The following NALCN variants were observed in gnomAD, a reference collection of about 807,000 sequenced individuals.
The protein encoded by NALCN is sodium leak channel NALCN.
A neutral mutation model predicts 225.3 loss-of-function variants in NALCN; 111 were observed. The ratio of observed to expected loss-of-function variants is 0.49; its 90% CI spans 0.42 to 0.58. NALCN has a LOEUF of 0.58. NALCN is among the 20% of genes least tolerant of loss of function. The pLI, the probability that NALCN is intolerant of heterozygous loss-of-function variation, is 0.00. For missense variants in NALCN, 1,378 were observed against 2,202.4 expected, an observed-to-expected ratio of 0.63 and a Z score of 7.49; for synonymous variants, 764 against 769.0, an observed-to-expected ratio of 0.99 and a Z score of 0.11.
intron 17 of NALCN, among the ~76,000 whole-genome samples, chr13:101,133,035 C>T (rs1310731670): frequency 6.6e-6 from 1 of 152,076 alleles, no homozygotes; most frequent in East Asian, 1.9e-4. Flanking sequence ...ATATTTTACA[C>T]TTACTGATTC....
At chr13:101,079,320 T>A (rs924585397) in intron 34 of NALCN, among the ~76,000 whole-genome samples, 7 of 152,238 alleles carry the variant, frequency 4.6e-5, no homozygotes, top group African/African-American at 1.7e-4. Flanking sequence ...GTTTTTAGGA[T>A]GAGAATCTGA....
intron 12 of NALCN, among the ~76,000 whole-genome samples, chr13:101,233,996 C>T (rs1380147713): frequency 6.6e-6 from 1 of 152,156 alleles, no homozygotes; most frequent in Non-Finnish European, 1.5e-5. Context: ...ATTCTCTCCA[C>T]CTGGAATGCT....
At chr13:101,358,199 G>T (rs1419786496) in intron 6 of NALCN, among the ~76,000 whole-genome samples, 2 of 151,670 alleles carry the variant, frequency 1.3e-5, no homozygotes, top group African/African-American at 4.8e-5. Context: ...AATTAAACTA[G>T]AAGTACTAAA....
chr13:101,152,126 C>G (rs540166611), intron 15 of NALCN, among the ~76,000 whole-genome samples: 1 of 152,094 alleles, frequency 6.6e-6, no homozygotes, highest in African/African-American at 2.4e-5. Context: ...TTGGACGCAT[C>G]GACTGAAGCC....
chr13:101,378,117 A>T (rs2046745871), intron 4 of NALCN, among the ~76,000 whole-genome samples: 1 of 151,956 alleles, frequency 6.6e-6, no homozygotes, highest in African/African-American at 2.4e-5. Context: ...TGTTTCCTTC[A>T]TTTCAGGGAA....
intron 7 of NALCN, among the ~76,000 whole-genome samples, chr13:101,316,141 C>T (rs1361863631): frequency 6.6e-6 from 1 of 152,152 alleles, no homozygotes; most frequent in African/African-American, 2.4e-5. Context: ...TGAGAATCCA[C>T]TCTTAAAGTG....
intron 7 of NALCN, among the ~76,000 whole-genome samples, chr13:101,330,874 T>C (rs548977559): frequency 6.6e-6 from 1 of 152,314 alleles, no homozygotes; most frequent in South Asian, 2.1e-4. Flanking sequence ...CCATGTAAGA[T>C]GTGCCTGCCA....
intron 17 of NALCN, among the ~76,000 whole-genome samples, chr13:101,132,786 G>C (rs17484860): frequency 3.9e-5 from 6 of 152,042 alleles, no homozygotes; most frequent in Admixed American, 3.3e-4. Flanking sequence ...ACTAGGCTTA[G>C]TATAAAAAAG....
At chr13:101,220,430 A>G (rs1217970031) in intron 13 of NALCN, among the ~76,000 whole-genome samples, 1 of 152,226 alleles carries the variant, frequency 6.6e-6, no homozygotes, top group African/African-American at 2.4e-5. Context: ...CCAATTGGTG[A>G]TGCTTTATTT....
intron 13 of NALCN, among the ~76,000 whole-genome samples, chr13:101,218,047 G>C (rs1339832428): frequency 6.6e-6 from 1 of 152,130 alleles, no homozygotes; most frequent in African/African-American, 2.4e-5. Context: ...ACCAAAGCCA[G>C]TAATTTTAAT....
At chr13:101,183,744 C>T (rs943323654) in intron 14 of NALCN, among the ~76,000 whole-genome samples, 2 of 152,004 alleles carry the variant, frequency 1.3e-5, no homozygotes, top group African/African-American at 4.8e-5. Flanking sequence ...ATAGGGGGAG[C>T]CACCACGCCT....
intron 6 of NALCN, 30 bp downstream of exon 6, chr13:101,376,670 G>T: frequency 6.4e-7 from 1 of 1,569,420 alleles, no homozygotes; most frequent in South Asian, 1.2e-5. Flanking sequence ...TAATCAACTA[G>T]ATTAAAATGC....
chr13:101,398,638 CAT>C (rs1286599017), intron 2 of NALCN, among the ~76,000 whole-genome samples: 1 of 152,144 alleles, frequency 6.6e-6, no homozygotes, highest in African/African-American at 2.4e-5. Flanking sequence ...TAATTCCAAA[CAT>C]GTGCATATTG....
chr13:101,166,125 C>T (rs750025455), intron 15 of NALCN, among the ~76,000 whole-genome samples: 4 of 152,040 alleles, frequency 2.6e-5, no homozygotes, highest in Non-Finnish European at 4.4e-5. Flanking sequence ...GTAGATACCA[C>T]ATTTTGTTTA....
At chr13:101,298,562 T>A (rs2043839104) in intron 7 of NALCN, among the ~76,000 whole-genome samples, 1 of 152,198 alleles carries the variant, frequency 6.6e-6, no homozygotes, top group African/African-American at 2.4e-5. Flanking sequence ...CCTCAGGTGA[T>A]CCACTCACCT....
chr13:101,080,563 T>G (rs1566791298), intron 34 of NALCN, among the ~76,000 whole-genome samples: 1 of 109,400 alleles, frequency 9.1e-6, no homozygotes, highest in African/African-American at 4.4e-5. Flanking sequence ...ACATAAATAA[T>G]TATAACCAAA....
intron 37 of NALCN, among the ~76,000 whole-genome samples, chr13:101,069,979 G>A (rs1395873430): frequency 2.0e-5 from 3 of 150,538 alleles, no homozygotes; most frequent in Non-Finnish European, 4.4e-5. Flanking sequence ...ACCCCTCAAA[G>A]TCATCCATAA....
chr13:101,393,945 A>AATT (rs2047213612), intron 3 of NALCN, among the ~76,000 whole-genome samples: 1 of 152,230 alleles, frequency 6.6e-6, no homozygotes, highest in Admixed American at 6.5e-5. Context: ...TACATTAAGG[A>AATT]ATTATTGCTA....
chr13:101,353,189 AAG>A (rs2045955420), intron 6 of NALCN, among the ~76,000 whole-genome samples: 1 of 152,192 alleles, frequency 6.6e-6, no homozygotes, highest in African/African-American at 2.4e-5. Context: ...TTTTGCACTC[AAG>A]AGAATAATGA....
Sources: gnomAD v4.1 joint callset for allele counts (sites outside exome capture counted in the v4.1 genomes callset) on GRCh38, gnomAD v4.1.1 for gene constraint, MANE v1.5 for transcripts, NCBI Gene and HGNC (gene_info 2026-07-23, HGNC 2026-07-21) for gene names.